PCDHGB3: variants seen among roughly 807,000 people sequenced by gnomAD.
The protein encoded by PCDHGB3 is protocadherin gamma-B3.
PCDHGB3 carries 40 observed loss-of-function variants against 59.2 expected under a neutral mutation model. That is an observed-to-expected ratio of 0.68 (90% CI 0.52 to 0.88). PCDHGB3 has a LOEUF of 0.88. Among genes scored for constraint, PCDHGB3 ranks in the 40% least tolerant of loss-of-function variants. The pLI is 0.00. For missense variants in PCDHGB3, 1,309 were observed against 1,187.9 expected (o/e 1.10, Z -1.50); for synonymous variants, 581 against 503.6 (o/e 1.15, Z -2.06).
At chr5:141,438,063 A>G (rs540817874) in intron 1 of PCDHGB3, among the ~76,000 whole-genome samples, 11 of 152,224 alleles carry the variant, frequency 7.2e-5, no homozygotes, top group Non-Finnish European at 1.5e-4. Context: ...CTTTTAAGAA[A>G]CCATACTTAA....
intron 1 of PCDHGB3, among the ~76,000 whole-genome samples, chr5:141,467,809 C>T (rs1026263094): frequency 6.6e-6 from 1 of 152,056 alleles, no homozygotes. Flanking sequence ...CAGGCACATG[C>T]CACCACACCA....
intron 1 of PCDHGB3, chr5:141,399,067 G>A (rs774399021): frequency 4.3e-6 from 7 of 1,613,834 alleles, no homozygotes; most frequent in African/African-American, 1.3e-5. Context: ...ATATTCAATG[G>A]TTGTAGAAGG....
chr5:141,457,429 C>A (rs73280316), intron 1 of PCDHGB3, among the ~76,000 whole-genome samples: 7 of 152,178 alleles, frequency 4.6e-5, no homozygotes, highest in Non-Finnish European at 7.4e-5. Flanking sequence ...TTTTCCCCCC[C>A]ACCAAGCTGC....
chr5:141,403,308 T>C (rs1245270186), intron 1 of PCDHGB3: 2 of 1,613,866 alleles, frequency 1.2e-6, no homozygotes, highest in Admixed American at 1.7e-5. Flanking sequence ...CTGTACGGAA[T>C]AGAAATAGAA....
intron 1 of PCDHGB3, chr5:141,412,207 C>T (rs529672287): frequency 1.1e-3 from 173 of 152,330 alleles, no homozygotes; most frequent in African/African-American, 4.1e-3. Flanking sequence ...GGTCATTTGA[C>T]ATAAACACTT....
At position 141,371,377 on chromosome 5, in the gene PCDHGB3, C is replaced by T. The variant is rs1767709786; in HGVS notation, c.983C>T (p.Thr328Ile). The change falls in exon 1 of 4, where the codon ACT (threonine) becomes ATT (isoleucine). Residue 328 changes from threonine to isoleucine, a missense_variant. Coordinates refer to ENST00000576222, the MANE Select transcript of PCDHGB3 (RefSeq NM_018924.5). ...GVEAKDGGHH[T>I]AYCKVQIDIS... Reference sequence around the variant, plus strand: ...GAAGCAAAGGATGGTGGACATCACACTGCATATTGTAAAGTACAGATAGAT... The same window carrying T: ...GAAGCAAAGGATGGTGGACATCACATTGCATATTGTAAAGTACAGATAGAT... 3 of 1,614,006 alleles carry T rather than the reference C, an allele frequency of 1.9e-6. No individual in the cohort carries two copies. The highest frequency in any genetic ancestry group is 2.5e-6 in the Non-Finnish European group (3 of 1,179,890).
chr5:141,403,044 T>C lies in PCDHGB3; in HGVS notation c.2415+30235T>C, dbSNP rs914251787. 7 of 1,613,960 alleles carry C rather than the reference T, an allele frequency of 4.3e-6. No individual in the cohort carries two copies. The Admixed American group carries it at 8.3e-5, about 19-fold the overall frequency. ...CTATGGGAGGCCAGGGCCAGTCAGA[T>C]TCGCTACTCAGTGCCTGAAGAGACA... is the stretch of plus-strand genomic sequence containing the variant. On this transcript the variant is annotated intron_variant, in intron 1 of 3. Transcript: ENST00000576222.
intron 1 of PCDHGB3, chr5:141,398,707 C>G (rs1257471989): frequency 6.8e-6 from 11 of 1,613,742 alleles, no homozygotes; most frequent in African/African-American, 1.3e-5. Context: ...ATACCCGGAA[C>G]TGGCACTGGA....
At chr5:141,424,959 C>A (rs1561817087) in intron 1 of PCDHGB3, among the ~76,000 whole-genome samples, 4 of 152,152 alleles carry the variant, frequency 2.6e-5, no homozygotes, top group Non-Finnish European at 5.9e-5. Flanking sequence ...TAGGTATTTG[C>A]CCCAAATTAC....
intron 1 of PCDHGB3, chr5:141,399,809 C>A (rs547922730): frequency 1.2e-6 from 2 of 1,613,222 alleles, no homozygotes; most frequent in Admixed American, 1.7e-5. Flanking sequence ...GTGCTGTACC[C>A]CGCGCTGGGT....
intron 1 of PCDHGB3, chr5:141,412,213 C>T (rs1467971455): frequency 6.6e-6 from 1 of 152,224 alleles, no homozygotes; most frequent in Non-Finnish European, 1.5e-5. Context: ...TTGACATAAA[C>T]ACTTACTTGT....
chr5:141,510,958 G>A lies in PCDHGB3; in HGVS notation c.2575G>A (p.Gly859Arg). 6.2e-7 allele frequency: 1 copy of A among 1,614,130 alleles called. No homozygotes were observed. Among genetic ancestry groups the A allele is most frequent in the Non-Finnish European group, 8.5e-7 (1 of 1,180,012 alleles). The change falls in exon 4 of 4, where the codon GGG becomes AGG. Residue 859 changes from glycine to arginine, a missense_variant. Transcript: ENST00000576222. The stretch of plus-strand genomic sequence containing the variant: ...CTCTGTCTCTGCAGAAGCTGCTGAT[G>A]GGAGCTCCACCCTGGGAGGGGGTGC... ...ILASASEAAD[G>R]SSTLGGGAGT...
In PCDHGB3 at chr5:141,476,691, A is replaced by G; in HGVS notation, c.2416-18116A>G. 6.2e-7 allele frequency: 1 copy of G among 1,614,224 alleles called. No individual in the cohort carries two copies. Among genetic ancestry groups the G allele is most frequent in the Non-Finnish European group, 8.5e-7 (1 of 1,180,050 alleles). The stretch of plus-strand genomic sequence containing the variant: ...GTGCAGACGCGGGAGGACAGCACCA[A>G]GTACGCGGAGCTGGTGTTGGAGCGC... On this transcript the variant is annotated intron_variant, in intron 1 of 3. Transcript: ENST00000576222. This position sits in a 1 kb window ranked among gnomAD's most constrained non-coding sequence, Gnocchi z 7.6.
Position 141,486,277 on chromosome 5 carries a change from G to A in PCDHGB3, c.2416-8530G>A, listed in dbSNP as rs1156704202. 6.2e-7 allele frequency: 1 copy of A among 1,614,020 alleles called. No individual in the cohort carries two copies. The highest frequency in any genetic ancestry group is 1.1e-5 in the South Asian group (1 of 91,056). ...CCGAGAGTGCAGAACCTGGCACTGT[G>A]GTGGCACTTATCAGTGTGCAGGATC... On this transcript the variant is annotated intron_variant, in intron 1 of 3. Transcript: ENST00000576222. The surrounding 1 kb of genome is among the most constrained non-coding windows in gnomAD (Gnocchi z 5.0).
In PCDHGB3 at chr5:141,485,115, G is replaced by A. The variant is rs1043877839; in HGVS notation, c.2416-9692G>A. 6.9e-6 allele frequency: 9 copies of A among 1,300,470 alleles called. No individual in the cohort carries two copies. Among genetic ancestry groups the A allele is most frequent in the Non-Finnish European group, 1.1e-6 (1 of 911,406 alleles). 80.6% of individuals were successfully genotyped at this position (1,300,470 alleles called of 1,614,324 possible). ...GTGTCTCCAGCTGCTGTGGCTGTTT[G>A]GGGCGGGTCGGCTTCATCCGCGTCT... On this transcript the variant is annotated intron_variant, in intron 1 of 3. Coordinates refer to ENST00000576222, the MANE Select transcript of PCDHGB3 (RefSeq NM_018924.5). The surrounding 1 kb of genome is among the most constrained non-coding windows in gnomAD (Gnocchi z 5.7).
chr5:141,399,165 T>C (rs1423083245), intron 1 of PCDHGB3: 1 of 1,613,774 alleles, frequency 6.2e-7, no homozygotes, highest in South Asian at 1.1e-5. Context: ...TTACATTCCA[T>C]TCTCTACTTG....
chr5:141,421,469 G>T (rs767500900), intron 1 of PCDHGB3: 1 of 1,614,122 alleles, frequency 6.2e-7, no homozygotes, highest in South Asian at 1.1e-5. Flanking sequence ...GTGAATCCGC[G>T]AAGCGGCAGC....
chr5:141,393,896 T>G (rs754023896), intron 1 of PCDHGB3: 1 of 1,613,942 alleles, frequency 6.2e-7, no homozygotes, highest in Non-Finnish European at 8.5e-7. Context: ...AAAATTCTCT[T>G]CCCGGGACAG....
chr5:141,490,903 C>G lies in PCDHGB3; in HGVS notation c.2416-3904C>G. 6.2e-7 allele frequency: 1 copy of G among 1,613,764 alleles called. No homozygotes were observed. The highest frequency in any genetic ancestry group is 1.7e-5 in the Admixed American group (1 of 60,022). On this transcript the variant is annotated intron_variant, in intron 1 of 3. Coordinates refer to ENST00000576222, the MANE Select transcript of PCDHGB3 (RefSeq NM_018924.5). This position sits in a 1 kb window ranked among gnomAD's most constrained non-coding sequence, Gnocchi z 5.4. ...CAACACATCTCTGCATGTGTTTGTC[C>G]TAGACGAGAATGATAATGCCCCAGC... is the stretch of plus-strand genomic sequence containing the variant.
Sources: gnomAD v4.1 joint callset for allele counts (sites outside exome capture counted in the v4.1 genomes callset) on GRCh38, gnomAD v4.1.1 for gene constraint, Gnocchi (gnomAD v3.1) non-coding constraint, MANE v1.5 for transcripts, NCBI Gene and HGNC (gene_info 2026-07-23, HGNC 2026-07-21) for gene names.